CAMTA1: variants seen among roughly 807,000 people sequenced by gnomAD.
CAMTA1 encodes the protein calmodulin-binding transcription activator 1.
Under a neutral mutation model 170.9 loss-of-function variants are expected in CAMTA1, and 27 were observed. The ratio of observed to expected loss-of-function variants is 0.16; its 90% CI spans 0.12 to 0.22. CAMTA1 has a LOEUF of 0.22. CAMTA1 is among the 10% of genes least tolerant of loss of function. The pLI, the probability that CAMTA1 is intolerant of heterozygous loss-of-function variation, is 1.00. For synonymous variants in CAMTA1, 833 were observed against 891.5 expected, an observed-to-expected ratio of 0.93 and a Z score of 1.17; for missense variants, 1,619 against 2,217.2, an observed-to-expected ratio of 0.73 and a Z score of 5.42.
intron 5 of CAMTA1, among the ~76,000 whole-genome samples, chr1:7,295,519 G>A (rs945070047): frequency 2.0e-5 from 3 of 152,228 alleles, no homozygotes; most frequent in African/African-American, 4.8e-5. Context: ...TGGATAGTTA[G>A]TGATGCTGGG....
chr1:7,124,483 C>T (rs778578785), intron 4 of CAMTA1, among the ~76,000 whole-genome samples: 5 of 152,214 alleles, frequency 3.3e-5, no homozygotes, highest in Admixed American at 1.3e-4. Flanking sequence ...GAATGTCATG[C>T]GCCATGTGGA....
At chr1:7,371,684 T>C (rs2150059783) in intron 5 of CAMTA1, among the ~76,000 whole-genome samples, 1 of 152,324 alleles carries the variant, frequency 6.6e-6, no homozygotes, top group East Asian at 1.9e-4. Flanking sequence ...CCGGCCTCTG[T>C]GGGTGGTGCA....
intron 3 of CAMTA1, among the ~76,000 whole-genome samples, chr1:6,904,518 C>T (rs1481258186): frequency 1.3e-5 from 2 of 151,880 alleles, no homozygotes; most frequent in East Asian, 1.9e-4. Context: ...AGGCTCTCCT[C>T]CCCTGAACTT....
intron 5 of CAMTA1, among the ~76,000 whole-genome samples, chr1:7,253,072 T>C (rs547004169): frequency 6.6e-6 from 1 of 152,264 alleles, no homozygotes; most frequent in East Asian, 1.9e-4. Flanking sequence ...TTTCCAGGGA[T>C]GACAAAGGTT....
Position 7,736,753 on chromosome 1 carries a change from C to T in CAMTA1, c.3264-178C>T, listed in dbSNP as rs1250161096. On this transcript the variant is annotated intron_variant, in intron 13 of 22. Transcript: ENST00000303635. This position sits in a 1 kb window ranked among gnomAD's most constrained non-coding sequence, Gnocchi z 4.5. ...GATAAGAATTAAATGTTGGACTTGTCATTTTCTTTGGACCCCTAGCCAAAT... is the reference window on the plus strand; with the variant it reads ...GATAAGAATTAAATGTTGGACTTGTTATTTTCTTTGGACCCCTAGCCAAAT... Among the ~76,000 whole-genome samples the T allele has an allele frequency of 6.6e-6, 1 of 152,162 alleles. No homozygotes were observed. Among genetic ancestry groups the T allele is most frequent in the African/African-American group, 2.4e-5 (1 of 41,448 alleles).
At chr1:7,055,564 G>A (rs1161759862) in intron 3 of CAMTA1, among the ~76,000 whole-genome samples, 5 of 152,224 alleles carry the variant, frequency 3.3e-5, no homozygotes, top group African/African-American at 1.2e-4. Flanking sequence ...TCATCAGCAA[G>A]CATTCACTGT....
intron 3 of CAMTA1, among the ~76,000 whole-genome samples, chr1:7,085,090 C>T (rs760977552): frequency 2.0e-5 from 3 of 152,176 alleles, no homozygotes; most frequent in African/African-American, 4.8e-5. Context: ...CCCATCAACC[C>T]GTCATCTAGG....
At chr1:6,804,655 C>T (rs778822135) in intron 1 of CAMTA1, among the ~76,000 whole-genome samples, 1 of 152,074 alleles carries the variant, frequency 6.6e-6, no homozygotes, top group African/African-American at 2.4e-5. Context: ...ATAATGTTTT[C>T]AAGGTTTTTA....
intron 3 of CAMTA1, among the ~76,000 whole-genome samples, chr1:7,088,470 G>A (rs868002419): frequency 1.3e-5 from 2 of 152,178 alleles, no homozygotes; most frequent in Non-Finnish European, 2.9e-5. Context: ...TTAACTGCAC[G>A]CTTCAAAGTG....
At chr1:6,837,353 G>C (rs1209423766) in intron 3 of CAMTA1, among the ~76,000 whole-genome samples, 2 of 152,130 alleles carry the variant, frequency 1.3e-5, no homozygotes, top group Admixed American at 6.5e-5. Context: ...GGGAGTGGAG[G>C]CTGTCCAGAG....
In CAMTA1 at chr1:7,681,375, G is replaced by A. The variant is rs992931660; in HGVS notation, c.2914+3642G>A. ...TTGGTGAGACCTGAAGCCTGAGCAGGGTTAGCCCGGGAAGAGGGGGCATCA... is the reference window on the plus strand; with the variant it reads ...TTGGTGAGACCTGAAGCCTGAGCAGAGTTAGCCCGGGAAGAGGGGGCATCA... On this transcript the variant is annotated intron_variant, in intron 11 of 22. Transcript: ENST00000303635. The surrounding 1 kb of genome is among the most constrained non-coding windows in gnomAD (Gnocchi z 4.6). Among the ~76,000 whole-genome samples the A allele has an allele frequency of 6.6e-6, 1 of 152,222 alleles. No homozygotes were observed. The highest frequency in any genetic ancestry group is 1.5e-5 in the Non-Finnish European group (1 of 68,036).
intron 11 of CAMTA1, among the ~76,000 whole-genome samples, chr1:7,691,642 A>G (rs1005297955): frequency 6.6e-6 from 1 of 152,194 alleles, no homozygotes; most frequent in South Asian, 2.1e-4. Flanking sequence ...GAGGAGGACC[A>G]GTCAGGAGTT....
At chr1:7,521,673 T>C (rs1575777945) in intron 6 of CAMTA1, among the ~76,000 whole-genome samples, 2 of 152,216 alleles carry the variant, frequency 1.3e-5, no homozygotes, top group African/African-American at 4.8e-5. Context: ...CTCAGCCTCC[T>C]GTGTAGCTGG....
At chr1:6,886,801 G>A (rs570605697) in intron 3 of CAMTA1, among the ~76,000 whole-genome samples, 2 of 152,310 alleles carry the variant, frequency 1.3e-5, no homozygotes, top group African/African-American at 2.4e-5. Flanking sequence ...AAATAGTGAG[G>A]GAGAGAAATG....
intron 4 of CAMTA1, among the ~76,000 whole-genome samples, chr1:7,136,377 A>G (rs1382819902): frequency 3.9e-5 from 6 of 152,074 alleles, no homozygotes; most frequent in African/African-American, 1.4e-4. Context: ...CTTGTGTGCC[A>G]GATCACATTC....
At chr1:7,225,375 T>C (rs542796442) in intron 4 of CAMTA1, among the ~76,000 whole-genome samples, 4 of 152,322 alleles carry the variant, frequency 2.6e-5, no homozygotes, top group Admixed American at 6.5e-5. Flanking sequence ...TGAGCCACCG[T>C]GCCCGGCCAG....
chr1:7,506,509 A>G (rs927874233), intron 6 of CAMTA1, among the ~76,000 whole-genome samples: 1 of 151,944 alleles, frequency 6.6e-6, no homozygotes, highest in Non-Finnish European at 1.5e-5. Flanking sequence ...TGAAACTCAA[A>G]ATTCACACTA....
chr1:7,365,754 A>G (rs930845486), intron 5 of CAMTA1, among the ~76,000 whole-genome samples: 2 of 152,200 alleles, frequency 1.3e-5, no homozygotes, highest in Non-Finnish European at 2.9e-5. Context: ...TTCACCAGGA[A>G]CTGATTCTGG....
chr1:7,597,021 C>G (rs912206712), intron 6 of CAMTA1, among the ~76,000 whole-genome samples: 1 of 152,166 alleles, frequency 6.6e-6, no homozygotes, highest in East Asian at 1.9e-4. Context: ...CCTTGTGGCC[C>G]CAGGCCTTGG....
Sources: allele counts gnomAD v4.1 joint callset (sites outside exome capture counted in the v4.1 genomes callset), GRCh38; gene constraint gnomAD v4.1.1; non-coding constraint Gnocchi (gnomAD v3.1); transcripts MANE v1.5; gene names NCBI Gene and HGNC (gene_info 2026-07-23, HGNC 2026-07-21).